The following DSCAM variants were observed in gnomAD, a reference collection of about 807,000 sequenced individuals.
DSCAM encodes DS cell adhesion molecule.
DSCAM carries 47 observed loss-of-function variants against 217.7 expected under a neutral mutation model. The observed-to-expected ratio is 0.22, with a 90% confidence interval of 0.17 to 0.28. The LOEUF is 0.28. Ranked by LOEUF, DSCAM falls within the 10% of genes least tolerant of loss-of-function variation. The pLI, the probability that DSCAM is intolerant of heterozygous loss-of-function variation, is 1.00. For missense variants in DSCAM, 2,080 were observed against 2,618.3 expected (o/e 0.79, Z 4.49); for synonymous variants, 1,056 against 1,015.3 (o/e 1.04, Z -0.76).
intron 3 of DSCAM, among the ~76,000 whole-genome samples, chr21:40,387,653 A>G (rs562127431): frequency 1.5e-3 from 225 of 152,350 alleles, no homozygotes; most frequent in Admixed American, 4.2e-3. Context: ...TTCCAGTACC[A>G]AACCTCTAAC....
intron 3 of DSCAM, among the ~76,000 whole-genome samples, chr21:40,427,302 A>G (rs73902621): frequency 0.016 from 2,483 of 152,016 alleles, 77 homozygotes; most frequent in African/African-American, 0.055. Context: ...GAACCCGTGT[A>G]TCCCAGCTGA....
chr21:40,815,653 T>C (rs930340080), intron 1 of DSCAM, among the ~76,000 whole-genome samples: 1 of 152,182 alleles, frequency 6.6e-6, no homozygotes, highest in African/African-American at 2.4e-5. Flanking sequence ...GTATTTTTCC[T>C]AAGTTATGGC....
chr21:40,491,741 T>C (rs2076077738), intron 3 of DSCAM, among the ~76,000 whole-genome samples: 1 of 152,140 alleles, frequency 6.6e-6, no homozygotes, highest in Non-Finnish European at 1.5e-5. Flanking sequence ...GCCTAGCTTC[T>C]CTCTCTGCCT....
intron 1 of DSCAM, among the ~76,000 whole-genome samples, chr21:40,780,423 G>GTGTGTGTGTGTGTATATATATATA (rs1007015659): frequency 1.8e-5 from 1 of 56,418 alleles, no homozygotes; most frequent in African/African-American, 7.7e-5. Context: ...GTGTGTGTGT[G>GTGTGTGTGTGTGTATATATATATA]TATATATATA....
At chr21:40,229,730 T>C (rs945098560) in intron 11 of DSCAM, among the ~76,000 whole-genome samples, 1 of 152,224 alleles carries the variant, frequency 6.6e-6, no homozygotes, top group Non-Finnish European at 1.5e-5. Context: ...AAACAAAAGT[T>C]TGTATTTATT....
intron 3 of DSCAM, among the ~76,000 whole-genome samples, chr21:40,550,395 C>A (rs191554590): frequency 6.6e-6 from 1 of 152,128 alleles, no homozygotes; most frequent in African/African-American, 2.4e-5. Context: ...CATGGTGGCA[C>A]GCGCCTGTAA....
intron 3 of DSCAM, among the ~76,000 whole-genome samples, chr21:40,523,281 G>C (rs532025252): frequency 7.0e-6 from 1 of 143,316 alleles, no homozygotes; most frequent in East Asian, 2.3e-4. Flanking sequence ...CCCAAATATT[G>C]CAATTCCCAA....
At chr21:40,347,213 G>A (rs2074567815) in intron 6 of DSCAM, among the ~76,000 whole-genome samples, 2 of 150,218 alleles carry the variant, frequency 1.3e-5, no homozygotes, top group South Asian at 2.1e-4. Flanking sequence ...CAGGAGAATT[G>A]CTTGAACCCG....
chr21:40,734,620 G>C (rs1417290547), intron 1 of DSCAM, among the ~76,000 whole-genome samples: 2 of 152,168 alleles, frequency 1.3e-5, no homozygotes, highest in Non-Finnish European at 2.9e-5. Flanking sequence ...AATTGTCGGA[G>C]AGGTCTACAG....
At chr21:40,246,314 C>G (rs553913828) in intron 11 of DSCAM, among the ~76,000 whole-genome samples, 2 of 111,966 alleles carry the variant, frequency 1.8e-5, no homozygotes, top group Admixed American at 2.6e-4. Flanking sequence ...GTCAAAAGTT[C>G]AAGACCAGCC....
chr21:40,481,951 A>G (rs1016716919), intron 3 of DSCAM, among the ~76,000 whole-genome samples: 2 of 152,188 alleles, frequency 1.3e-5, no homozygotes, highest in Non-Finnish European at 2.9e-5. Flanking sequence ...TCCAAAGTGG[A>G]TCCTGTCACC....
At chr21:40,478,429 T>G (rs1360536286) in intron 3 of DSCAM, among the ~76,000 whole-genome samples, 1 of 152,206 alleles carries the variant, frequency 6.6e-6, no homozygotes, top group Non-Finnish European at 1.5e-5. Flanking sequence ...AGCCAGCTTT[T>G]AAAAAGATTG....
At chr21:40,417,173 ATTT>A (rs1050148363) in intron 3 of DSCAM, among the ~76,000 whole-genome samples, 1 of 152,128 alleles carries the variant, frequency 6.6e-6, no homozygotes, top group African/African-American at 2.4e-5. Context: ...GTGAACATCT[ATTT>A]TTATCTCATT....
intron 3 of DSCAM, among the ~76,000 whole-genome samples, chr21:40,600,446 G>T (rs191325079): frequency 6.6e-6 from 1 of 152,278 alleles, no homozygotes; most frequent in Non-Finnish European, 1.5e-5. Flanking sequence ...GAGACCTCAT[G>T]ATTTAATCAC....
In DSCAM at chr21:40,131,809, G is replaced by T. The variant is rs2090157028; in HGVS notation, c.3562+2045C>A. ...GGGTAACTGGGGTACCCAAGGCAGG[G>T]TTTTCGATAGTCAATCCCAGCTCCA... On this transcript the variant is annotated intron_variant, in intron 19 of 32. Transcript: ENST00000400454. 2.0e-5 allele frequency among the ~76,000 whole-genome samples: 3 copies of T among 152,148 alleles called. No homozygotes were observed. In the South Asian group the frequency reaches 6.2e-4, roughly 32 times the overall value.
chr21:40,266,638 TATATATATATATATATA>T (rs1569031849), intron 11 of DSCAM, among the ~76,000 whole-genome samples: 2 of 106,680 alleles, frequency 1.9e-5, no homozygotes, highest in East Asian at 4.8e-4. Context: ...AGATGTTTTA[TATATATATATATATATA>T]TATATATATA....
chr21:40,490,228 G>A (rs1005759498), intron 3 of DSCAM, among the ~76,000 whole-genome samples: 5 of 152,164 alleles, frequency 3.3e-5, no homozygotes, highest in Admixed American at 6.5e-5. Context: ...CCCATGACAC[G>A]TGGGAATTAT....
Position 40,189,193 on chromosome 21 carries a change from T to C in DSCAM, c.2402A>G (p.Gln801Arg), listed in dbSNP as rs1232862893. The change falls in exon 12 of 33, where the codon CAG (glutamine) becomes CGG (arginine). Residue 801 changes from glutamine (Q) to arginine (R), a missense_variant. Gln to Arg is a conservative substitution (Grantham distance 43). Coordinates refer to ENST00000400454, the MANE Select transcript of DSCAM (RefSeq NM_001389.5). ...GCAGCTCATCTCCTTTTTCTGCCCC[T>C]GCGTGGCCAGGGTAGTATTTGGATA... ...TSYPNTTLAT[Q>R]GQKKEMSCTA... is the part of the protein sequence containing the mutation. 2 of 1,612,826 alleles carry C rather than the reference T, an allele frequency of 1.2e-6. No homozygotes were observed. The highest frequency in any genetic ancestry group is 1.7e-6 in the Non-Finnish European group (2 of 1,179,594).
intron 1 of DSCAM, among the ~76,000 whole-genome samples, chr21:40,792,091 G>A (rs1408077782): frequency 6.6e-6 from 1 of 151,054 alleles, no homozygotes; most frequent in African/African-American, 2.4e-5. Context: ...GTCTTCACAT[G>A]GCCATCCCTC....
Sources: allele counts gnomAD v4.1 joint callset (sites outside exome capture counted in the v4.1 genomes callset), GRCh38; gene constraint gnomAD v4.1.1; transcripts MANE v1.5; gene names NCBI Gene and HGNC (gene_info 2026-07-23, HGNC 2026-07-21).